CATSPER1: variants seen among roughly 807,000 people sequenced by gnomAD.
The protein encoded by CATSPER1 is cation channel sperm-associated protein 1.
A neutral mutation model predicts 72.7 loss-of-function variants in CATSPER1; 57 were observed. That is an observed-to-expected ratio of 0.78 (90% CI 0.63 to 0.98). The LOEUF (loss-of-function observed/expected upper bound fraction) is 0.98, where lower values mean the gene tolerates loss of function less well. Ranked by LOEUF, CATSPER1 falls within the 50% of genes least tolerant of loss-of-function variation. The pLI is 0.00. For missense variants in CATSPER1, 910 were observed against 1,033.9 expected (o/e 0.88, Z 1.64); for synonymous variants, 363 against 403.0 (o/e 0.90, Z 1.19).
At position 66,022,945 on chromosome 11, in the gene CATSPER1, G is replaced by C. The variant is rs745620084; in HGVS notation, c.1333C>G (p.Gln445Glu). ...GFREMIRNLT[Q>E]SLAFETFIFF... Reference sequence around the variant, plus strand: ...ATGAAAGTTTCAAAGGCCAAGGATTGGGTCAGGTTCCGGATCATTTCCCGG... The same window carrying C: ...ATGAAAGTTTCAAAGGCCAAGGATTCGGTCAGGTTCCGGATCATTTCCCGG... Residue 445 changes from glutamine to glutamate, a missense_variant, in exon 2 of 12, where the codon CAA becomes GAA. Physicochemically the swap from Gln to Glu is conservative, Grantham distance 29. Transcript: ENST00000312106. 6.2e-7 allele frequency: 1 copy of C among 1,614,120 alleles called. No individual in the cohort carries two copies. The highest frequency in any genetic ancestry group is 1.3e-5 in the African/African-American group (1 of 74,932).
chr11:66,026,143 G>A lies in CATSPER1; in HGVS notation c.237C>T (p.His79=). ...CGTGATTCCGTGCCTCGCTGTGGTG[G>A]TGAGATTGGTGGACATGGGAGGACA... ...QALSSHVHQS[H]HHSEARNHGR... The change falls in exon 1 of 12, where the codon CAC becomes CAT. Residue 79 remains histidine (H), a synonymous_variant. Coordinates refer to ENST00000312106, the MANE Select transcript of CATSPER1 (RefSeq NM_053054.4). 6.2e-7 allele frequency: 1 copy of A among 1,606,726 alleles called. No individual in the cohort carries two copies. Among genetic ancestry groups the A allele is most frequent in the Non-Finnish European group, 8.5e-7 (1 of 1,173,940 alleles).
rs1856371543 is a variant in CATSPER1 at position 66,021,624 on chromosome 11, C to G, written c.1563G>C (p.Met521Ile). ...WNNLDFFIMA[M>I]AVLDFLLMQT... is the part of the protein sequence containing the mutation. ...GCATCAGCAAGAAGTCCAGCACGGC[C>G]ATGGCCATAATGAAGAAGTCTGAGG... Residue 521 changes from methionine (M) to isoleucine (I), a missense_variant, in exon 4 of 12, where the codon ATG becomes ATC. Met to Ile is a conservative substitution (Grantham distance 10, BLOSUM62 1). Transcript: ENST00000312106. The G allele has an allele frequency of 6.2e-7, 1 of 1,608,378 alleles. No homozygotes were observed. The highest frequency in any genetic ancestry group is 1.1e-5 in the South Asian group (1 of 90,372).
chr11:66,017,732 G>GGA (rs1171201225), intron 10 of CATSPER1, among the ~76,000 whole-genome samples: 2 of 152,228 alleles, frequency 1.3e-5, no homozygotes, highest in African/African-American at 4.8e-5. Flanking sequence ...AACACAGCAA[G>GGA]GTACTCCGAG....
At chr11:66,023,919 T>C (rs1234035262) in intron 1 of CATSPER1, among the ~76,000 whole-genome samples, 4 of 151,578 alleles carry the variant, frequency 2.6e-5, no homozygotes, top group African/African-American at 7.3e-5. Flanking sequence ...ATAACACACT[T>C]GCCCCTCTCT....
Position 66,020,323 on chromosome 11 carries a change from C to A in CATSPER1, c.2058G>T (p.Lys686Asn), listed in dbSNP as rs1238963974. ...GTCCCACCCCACTCGGTACCTCCTG[C>A]TTCGCTTTCTCAAGGCCTTTGAACA... ...TALFKGLEKA[K>N]QERAARIQEK... The change falls in exon 8 of 12, where the codon AAG (lysine) becomes AAT (asparagine). Residue 686 changes from lysine to asparagine, a missense_variant. By Grantham distance (94) the Lys-to-Asn change is moderately conservative. Transcript: ENST00000312106. This position sits in a 1 kb window ranked among gnomAD's most constrained non-coding sequence, Gnocchi z 4.5. 1 of 1,614,188 alleles carries A rather than the reference C, an allele frequency of 6.2e-7. No individual in the cohort carries two copies. The highest frequency in any genetic ancestry group is 1.1e-5 in the South Asian group (1 of 91,088).
rs1856347091 is a variant in CATSPER1 at position 66,020,768 on chromosome 11, C to G, written c.1927+43G>C. On this transcript the variant is annotated intron_variant, in intron 6 of 11. Transcript: ENST00000312106. The surrounding 1 kb of genome is among the most constrained non-coding windows in gnomAD (Gnocchi z 4.5). ...GTCACTGAGCCCTGGCCGGTCCACC[C>G]CGCCAATCCCCGGCCCTCCCTGCAG... 4 of 1,612,898 alleles carry G rather than the reference C, an allele frequency of 2.5e-6. No individual in the cohort carries two copies. The South Asian group carries it at 4.4e-5, about 18-fold the overall frequency.
chr11:66,017,126 C>T lies in CATSPER1; in HGVS notation c.2250G>A (p.Glu750=). ...GGGAGCGGAACTTCTGCTGCTCCTGCTCCACGCTTGCCACCAGCTGCAGGT... is the reference window on the plus strand; with the variant it reads ...GGGAGCGGAACTTCTGCTGCTCCTGTTCCACGCTTGCCACCAGCTGCAGGT... ...FHYLQLVASV[E]QEQQKFRSQA... is the part of the protein sequence containing the mutation. Residue 750 remains glutamate (E), a synonymous_variant, in exon 11 of 12, where the codon GAG becomes GAA. Transcript: ENST00000312106. The T allele has an allele frequency of 6.2e-7, 1 of 1,613,314 alleles. No homozygotes were observed. Among genetic ancestry groups the T allele is most frequent in the African/African-American group, 1.3e-5 (1 of 74,840 alleles).
Position 66,025,436 on chromosome 11 carries a change from TGGAGG to T in CATSPER1, c.939_943del (p.Tyr313Ter). 3.1e-6 allele frequency: 5 copies of T among 1,612,796 alleles called. No individual in the cohort carries two copies. Among genetic ancestry groups the T allele is most frequent in the Non-Finnish European group, 3.4e-6 (4 of 1,179,806 alleles). ...GGAAGTGCTCTGGACGTAGTCGCCA[TGGAGG>T]TAACTGGAATGATACGCGCCGTGGT... On this transcript the variant is annotated stop_gained and frameshift_variant, in exon 1 of 12. Coordinates refer to ENST00000312106, the MANE Select transcript of CATSPER1 (RefSeq NM_053054.4). LOFTEE classifies it high-confidence loss of function.
Position 66,023,023 on chromosome 11 carries a change from TAG to T in CATSPER1, c.1253_1254del (p.Ser418TyrfsTer32), listed in dbSNP as rs772575386. On this transcript the variant is annotated frameshift_variant, in exon 2 of 12. Transcript: ENST00000312106. LOFTEE classifies it high-confidence loss of function. ...RLQRTRKKGH[S>X]TNLFQWLWEK... ...TCCCACAGCCACTGGAAGAGATTGG[TAG>T]AGTGTCCCTTCTTGCGGGTCCGCTG... The T allele has an allele frequency of 2.5e-6, 4 of 1,614,192 alleles. No individual in the cohort carries two copies. Among genetic ancestry groups the T allele is most frequent in the South Asian group, 1.1e-5 (1 of 91,086 alleles).
rs768249138 is a variant in CATSPER1, at chr11:66,020,675, C to G, written c.1928-48G>C. 1.8e-4 allele frequency: 291 copies of G among 1,596,908 alleles called. No individual in the cohort carries two copies. Among genetic ancestry groups the G allele is most frequent in the Non-Finnish European group, 2.3e-4 (269 of 1,167,492 alleles). ...CACAGTCAGGCTGTGCTCGCCACCC[C>G]CAACCACGACCTGCTCCCTTCCCAT... On this transcript the variant is annotated intron_variant, in intron 6 of 11. Coordinates refer to ENST00000312106, the MANE Select transcript of CATSPER1 (RefSeq NM_053054.4). This position sits in a 1 kb window ranked among gnomAD's most constrained non-coding sequence, Gnocchi z 4.5.
rs757834114 is a variant in CATSPER1 at position 66,022,882 on chromosome 11, C to T, written c.1396G>A (p.Ala466Thr). ...VVCLNTVMLVAQTFAEVEIRG... is the reference protein window; with the variant it reads ...VVCLNTVMLVTQTFAEVEIRG... ...ATCTCGACTTCAGCGAAGGTCTGGGCCACCAGCATGACGGTGTTGAGGCAG... is the reference window on the plus strand; with the variant it reads ...ATCTCGACTTCAGCGAAGGTCTGGGTCACCAGCATGACGGTGTTGAGGCAG... The change falls in exon 2 of 12, where the codon GCC becomes ACC. Residue 466 changes from alanine to threonine, a missense_variant. By Grantham distance (58) the Ala-to-Thr change is moderately conservative (BLOSUM62 0). Coordinates refer to ENST00000312106, the MANE Select transcript of CATSPER1 (RefSeq NM_053054.4). 2 of 1,614,090 alleles carry T rather than the reference C, an allele frequency of 1.2e-6. No homozygotes were observed. Among genetic ancestry groups the T allele is most frequent in the African/African-American group, 2.7e-5 (2 of 74,940 alleles).
chr11:66,018,018 G>A (rs775115761), intron 10 of CATSPER1, among the ~76,000 whole-genome samples: 1 of 152,010 alleles, frequency 6.6e-6, no homozygotes, highest in Non-Finnish European at 1.5e-5. Flanking sequence ...GGCCAACATG[G>A]TGAAACCCTG....
At chr11:66,025,004 G>T (rs1856465220) in intron 1 of CATSPER1, among the ~76,000 whole-genome samples, 160 bp downstream of exon 1, 1 of 152,214 alleles carries the variant, frequency 6.6e-6, no homozygotes, top group South Asian at 2.1e-4. Context: ...AGGAATAAAA[G>T]ATGGGACCAT....
Position 66,026,389 on chromosome 11 carries a change from G to T in CATSPER1, c.-10C>A. On this transcript the variant is annotated 5_prime_UTR_variant, in exon 1 of 12. Transcript: ENST00000312106. The stretch of plus-strand genomic sequence containing the variant: ...CTGAGTTTTGATCCATGACTGTGCT[G>T]GGAACTCTGGAGCCAAAAGAGCTCA... The T allele has an allele frequency of 6.2e-7, 1 of 1,604,878 alleles. No homozygotes were observed. The highest frequency in any genetic ancestry group is 8.5e-7 in the Non-Finnish European group (1 of 1,176,112).
chr11:66,023,642 T>C (rs1815814), intron 1 of CATSPER1, among the ~76,000 whole-genome samples: 119,709 of 151,354 alleles, frequency 0.79, 47,815 homozygotes, highest in Non-Finnish European at 0.84. Flanking sequence ...GCCAGGAGTT[T>C]GAGACCAGCC....
rs112873572 is a variant in CATSPER1 at position 66,017,353 on chromosome 11, T to A, written c.2202-179A>T. Reference sequence around the variant, plus strand: ...TTCCAGATATGAGAAAGAGCCCAAGTCTGCCTGTAGCGCAGAGGCTTCTGG... The same window carrying A: ...TTCCAGATATGAGAAAGAGCCCAAGACTGCCTGTAGCGCAGAGGCTTCTGG... On this transcript the variant is annotated intron_variant, in intron 10 of 11. Coordinates refer to ENST00000312106, the MANE Select transcript of CATSPER1 (RefSeq NM_053054.4). 0.038 allele frequency among the ~76,000 whole-genome samples: 5,798 copies of A among 152,226 alleles called. 384 individuals carry two copies. The highest frequency in any genetic ancestry group is 0.13 in the African/African-American group (5,504 of 41,508).
chr11:66,019,019 G>T, intron 9 of CATSPER1, 117 bp from the exon 10 acceptor site: 2 of 856,176 alleles, frequency 2.3e-6, no homozygotes, highest in Non-Finnish European at 3.9e-6. Flanking sequence ...GCTCCAGGAG[G>T]TTGCTTCTCC....
In CATSPER1 at chr11:66,025,368, C is replaced by A. The variant is rs1212413007; in HGVS notation, c.1012G>T (p.Ala338Ser). The change falls in exon 1 of 12, where the codon GCC becomes TCC. Residue 338 changes from alanine to serine, a missense_variant. Ala to Ser is a moderately conservative substitution (Grantham distance 99). Transcript: ENST00000312106. Reference sequence around the variant, plus strand: ...GTACGAGAAGCAGCAGGGCCGGGGGCATCGTGAATCAGGCTCCGGGATGTG... The same window carrying A: ...GTACGAGAAGCAGCAGGGCCGGGGGAATCGTGAATCAGGCTCCGGGATGTG... ...PHTSRSLIHD[A>S]PGPAASRTGV... is the part of the protein sequence containing the mutation. 1 of 1,614,064 alleles carries A rather than the reference C, an allele frequency of 6.2e-7. No homozygotes were observed. Among genetic ancestry groups the A allele is most frequent in the Non-Finnish European group, 8.5e-7 (1 of 1,180,014 alleles).
chr11:66,025,161 C>T lies in CATSPER1; in HGVS notation c.1216+3G>A, dbSNP rs1352007223. The stretch of plus-strand genomic sequence containing the variant: ...TGGCATGGGGGGCCCAGCAAAGACT[C>T]ACTTTTGCGTTTCTGAAATTGCCCT... On this transcript the variant is annotated splice_donor_region_variant and intron_variant, in intron 1 of 11. Transcript: ENST00000312106. The T allele has an allele frequency of 1.2e-6, 2 of 1,613,986 alleles. No homozygotes were observed. Among genetic ancestry groups the T allele is most frequent in the Non-Finnish European group, 1.7e-6 (2 of 1,180,032 alleles).
Sources: allele counts gnomAD v4.1 joint callset (sites outside exome capture counted in the v4.1 genomes callset), GRCh38; gene constraint gnomAD v4.1.1; non-coding constraint Gnocchi (gnomAD v3.1); transcripts MANE v1.5; gene names NCBI Gene and HGNC (gene_info 2026-07-23, HGNC 2026-07-21).